CSMD3: variants seen among roughly 807,000 people sequenced by gnomAD.
CSMD3 encodes CUB and sushi domain-containing protein 3.
A neutral mutation model predicts 435.2 loss-of-function variants in CSMD3; 177 were observed. The ratio of observed to expected loss-of-function variants is 0.41; its 90% CI spans 0.36 to 0.46. CSMD3 has a LOEUF of 0.46. Ranked by LOEUF, CSMD3 falls within the 20% of genes least tolerant of loss-of-function variation. CSMD3 has a pLI of 0.34. For missense variants in CSMD3, 4,265 were observed against 4,504.6 expected, an observed-to-expected ratio of 0.95 and a Z score of 1.52; for synonymous variants, 1,656 against 1,520.5, an observed-to-expected ratio of 1.09 and a Z score of -2.07.
At chr8:113,391,900 T>C (rs963961481) in intron 1 of CSMD3, among the ~76,000 whole-genome samples, 4 of 152,014 alleles carry the variant, frequency 2.6e-5, no homozygotes, top group East Asian at 1.9e-4. Flanking sequence ...TTAGCAGCAA[T>C]ATAGATGCAG....
intron 13 of CSMD3, among the ~76,000 whole-genome samples, chr8:112,710,730 A>T (rs987825292): frequency 6.6e-6 from 1 of 151,494 alleles, no homozygotes; most frequent in South Asian, 2.1e-4. Flanking sequence ...TACACATTTT[A>T]AAAAATTATA....
intron 35 of CSMD3, among the ~76,000 whole-genome samples, chr8:112,394,116 T>C (rs1383131593): frequency 1.3e-5 from 2 of 152,156 alleles, no homozygotes; most frequent in Admixed American, 1.3e-4. Flanking sequence ...TCTTTCATCT[T>C]AGGGATTGTC....
intron 1 of CSMD3, among the ~76,000 whole-genome samples, chr8:113,357,339 C>T (rs2094237858): frequency 6.6e-6 from 1 of 152,166 alleles, no homozygotes; most frequent in Non-Finnish European, 1.5e-5. Flanking sequence ...CTCCCAATCA[C>T]ATTGAGAAAA....
chr8:113,323,418 A>T (rs1476906232), intron 1 of CSMD3, among the ~76,000 whole-genome samples: 1 of 152,202 alleles, frequency 6.6e-6, no homozygotes, highest in Non-Finnish European at 1.5e-5. Flanking sequence ...ATTATCCAAT[A>T]ATATAAACTC....
In CSMD3 at chr8:113,197,335, A is replaced by C. The variant is rs1037314798; in HGVS notation, c.515-23419T>G. 6.0e-5 allele frequency among the ~76,000 whole-genome samples: 9 copies of C among 151,036 alleles called. No homozygotes were observed. In the Admixed American group the frequency reaches 6.0e-4, roughly 10 times the overall value. On this transcript the variant is annotated intron_variant, in intron 3 of 70. Coordinates refer to ENST00000297405, the MANE Select transcript of CSMD3 (RefSeq NM_198123.2). The stretch of plus-strand genomic sequence containing the variant: ...ACACACATATAAAAACATAAATTTC[A>C]TGTTTAGACTTGGGCCACATCACCA...
intron 31 of CSMD3, among the ~76,000 whole-genome samples, chr8:112,484,899 C>A (rs190559791): frequency 5.3e-4 from 80 of 152,082 alleles, no homozygotes; most frequent in Non-Finnish European, 7.5e-4. Flanking sequence ...AATCTGAAAT[C>A]GGAAAAACTC....
Position 112,800,276 on chromosome 8 carries a change from TA to T in CSMD3, c.1860-3del. On this transcript the variant is annotated splice_polypyrimidine_tract_variant and splice_region_variant and intron_variant, in intron 12 of 70. Coordinates refer to ENST00000297405, the MANE Select transcript of CSMD3 (RefSeq NM_198123.2). ...TCTGGTACAAAGCTTCCAGTCAGCCTAAAAAGAGATGGACAAAGAAGGGAGA... is the reference window on the plus strand; with the variant it reads ...TCTGGTACAAAGCTTCCAGTCAGCCTAAAAGAGATGGACAAAGAAGGGAGA... 6.3e-7 allele frequency: 1 copy of T among 1,591,414 alleles called. No homozygotes were observed. The highest frequency in any genetic ancestry group is 8.6e-7 in the Non-Finnish European group (1 of 1,159,678).
chr8:112,301,870 C>T lies in CSMD3; in HGVS notation c.8363G>A (p.Gly2788Glu), dbSNP rs1159461244. 6.2e-7 allele frequency: 1 copy of T among 1,613,736 alleles called. No individual in the cohort carries two copies. Among genetic ancestry groups the T allele is most frequent in the Non-Finnish European group, 8.5e-7 (1 of 1,179,756 alleles). The change falls in exon 53 of 71, where the codon GGA (glycine) becomes GAA (glutamate). Residue 2788 changes from glycine to glutamate, a missense_variant. Physicochemically the swap from Gly to Glu is moderately conservative, Grantham distance 98. Transcript: ENST00000297405. ...GSTAIFTCDL[G>E]FMLVGSAVRE... ...TACAGCAGAGCCCACAAGCATGAAT[C>T]CCAAGTCGCAGGTAAAGATAGCTGT...
chr8:112,525,824 A>AT (rs1193896428), intron 27 of CSMD3, among the ~76,000 whole-genome samples: 10 of 136,574 alleles, frequency 7.3e-5, no homozygotes, highest in South Asian at 2.2e-4. Flanking sequence ...ACACATATAA[A>AT]AAATATATAT....
intron 3 of CSMD3, among the ~76,000 whole-genome samples, chr8:113,269,602 C>A (rs1378081516): frequency 2.6e-5 from 4 of 151,750 alleles, no homozygotes; most frequent in Non-Finnish European, 5.9e-5. Flanking sequence ...GTACTGGTAC[C>A]AAAACAGAAA....
At chr8:113,251,974 A>G (rs1455730330) in intron 3 of CSMD3, among the ~76,000 whole-genome samples, 4 of 152,128 alleles carry the variant, frequency 2.6e-5, no homozygotes, top group African/African-American at 9.7e-5. Context: ...TTTGATGTCT[A>G]ACCAGCACCT....
rs183347787 is a variant in CSMD3, at chr8:113,433,259, C to T, written c.178+3418G>A. The stretch of plus-strand genomic sequence containing the variant: ...CCTTCCCTCAGCCCCCTTTGTAAAG[C>T]TCTCTCAAGCTGAGACAGATATTTT... On this transcript the variant is annotated intron_variant, in intron 1 of 70. Coordinates refer to ENST00000297405, the MANE Select transcript of CSMD3 (RefSeq NM_198123.2). Among the ~76,000 whole-genome samples, 429 of 152,202 alleles carry T rather than the reference C, an allele frequency of 2.8e-3. 2 individuals are homozygous for T. The highest frequency in any genetic ancestry group is 9.8e-3 in the African/African-American group (409 of 41,532).
intron 4 of CSMD3, among the ~76,000 whole-genome samples, chr8:113,124,988 G>A (rs2091085974): frequency 6.6e-6 from 1 of 151,880 alleles, no homozygotes; most frequent in Non-Finnish European, 1.5e-5. Flanking sequence ...CAGGTCCACG[G>A]ATAAATATGA....
At chr8:112,888,557 T>C (rs1364989706) in intron 10 of CSMD3, among the ~76,000 whole-genome samples, 1 of 151,696 alleles carries the variant, frequency 6.6e-6, no homozygotes, top group Non-Finnish European at 1.5e-5. Flanking sequence ...TGCCATCCAA[T>C]GTGCTACCAC....
intron 4 of CSMD3, among the ~76,000 whole-genome samples, chr8:113,153,804 C>T (rs1001316971): frequency 9.2e-5 from 14 of 151,938 alleles, no homozygotes; most frequent in African/African-American, 2.9e-4. Flanking sequence ...CCTCTACACA[C>T]GTATTTGGAG....
At position 112,336,840 on chromosome 8, in the gene CSMD3, A is replaced by G. The variant is rs2130959321; in HGVS notation, c.6842-11T>C. The G allele has an allele frequency of 6.2e-7, 1 of 1,608,258 alleles. No individual in the cohort carries two copies. Among genetic ancestry groups the G allele is most frequent in the African/African-American group, 1.3e-5 (1 of 74,896 alleles). On this transcript the variant is annotated splice_polypyrimidine_tract_variant and intron_variant, in intron 43 of 70. Coordinates refer to ENST00000297405, the MANE Select transcript of CSMD3 (RefSeq NM_198123.2). Reference sequence around the variant, plus strand: ...TCCCACCACAAAGAGCTACGGAAAAAGTCACAAAACAAAATAATATTTTAA... The same window carrying G: ...TCCCACCACAAAGAGCTACGGAAAAGGTCACAAAACAAAATAATATTTTAA...
chr8:112,726,361 T>C, intron 13 of CSMD3, among the ~76,000 whole-genome samples: 1 of 151,944 alleles, frequency 6.6e-6, no homozygotes, highest in East Asian at 1.9e-4. Context: ...GCCAGTGATA[T>C]ACATTAGCAT....
intron 5 of CSMD3, among the ~76,000 whole-genome samples, chr8:113,058,011 TAGTA>T (rs1201153998): frequency 6.6e-6 from 1 of 151,862 alleles, no homozygotes; most frequent in Non-Finnish European, 1.5e-5. Flanking sequence ...TATTTTTACT[TAGTA>T]AGTGGAATAT....
At chr8:113,096,426 A>G (rs1161681452) in intron 5 of CSMD3, among the ~76,000 whole-genome samples, 3 of 152,098 alleles carry the variant, frequency 2.0e-5, no homozygotes, top group Admixed American at 1.3e-4. Flanking sequence ...TGAAAACCCA[A>G]TAATTTAGCC....
Sources: allele counts gnomAD v4.1 joint callset (sites outside exome capture counted in the v4.1 genomes callset), GRCh38; gene constraint gnomAD v4.1.1; transcripts MANE v1.5; gene names NCBI Gene and HGNC (gene_info 2026-07-23, HGNC 2026-07-21).